KCNK12: variants seen among roughly 807,000 people sequenced by gnomAD.
KCNK12 encodes the protein potassium channel subfamily K member 12.
In KCNK12, 6 loss-of-function variants were observed where a neutral mutation model predicts 25.3. The ratio of observed to expected loss-of-function variants is 0.24; its 90% CI spans 0.13 to 0.47. The LOEUF (loss-of-function observed/expected upper bound fraction) is 0.47. Ranked by LOEUF, KCNK12 falls within the 20% of genes least tolerant of loss-of-function variation. The pLI, the probability that KCNK12 is intolerant of heterozygous loss-of-function variation, is 0.99. For synonymous variants in KCNK12, 331 were observed against 311.1 expected (o/e 1.06, Z -0.67); for missense variants, 444 against 661.7 (o/e 0.67, Z 3.61).
Position 47,548,590 on chromosome 2 carries a change from T to C in KCNK12, c.391+21351A>G, listed in dbSNP as rs537716727. ...CGTGCCACCCTACTGTCAACACTTA[T>C]CCAGATTCTACACACTGACTTTCGC... On this transcript the variant is annotated intron_variant, in intron 1 of 1. Coordinates refer to ENST00000327876, the MANE Select transcript of KCNK12 (RefSeq NM_022055.2). The surrounding 1 kb of genome is among the most constrained non-coding windows in gnomAD (Gnocchi z 4.4). 1.3e-5 allele frequency among the ~76,000 whole-genome samples: 2 copies of C among 152,234 alleles called. No individual in the cohort carries two copies. Among genetic ancestry groups the C allele is most frequent in the African/African-American group, 2.4e-5 (1 of 41,540 alleles).
chr2:47,565,021 G>C lies in KCNK12; in HGVS notation c.391+4920C>G, dbSNP rs1669762984. The C allele has an allele frequency of 6.6e-6, 1 of 151,922 alleles. No homozygotes were observed. Among genetic ancestry groups the C allele is most frequent in the African/African-American group, 2.4e-5 (1 of 41,426 alleles). 9.4% of individuals were successfully genotyped at this position (151,922 alleles called of 1,614,324 possible). A position where few individuals can be genotyped will look rare whatever the true frequency, so the allele number is the denominator to read the frequency against. ...TGTCTCTTAAAAAAAAAAAAAAGTA[G>C]CCAGGTGTGGTGATGTGTGCCTGTG... On this transcript the variant is annotated intron_variant, in intron 1 of 1. Coordinates refer to ENST00000327876, the MANE Select transcript of KCNK12 (RefSeq NM_022055.2). This position sits in a 1 kb window ranked among gnomAD's most constrained non-coding sequence, Gnocchi z 5.0.
intron 1 of KCNK12, among the ~76,000 whole-genome samples, chr2:47,546,759 C>T (rs1669322926): frequency 6.6e-6 from 1 of 152,128 alleles, no homozygotes; most frequent in South Asian, 2.1e-4. Flanking sequence ...GGTAAAAGGA[C>T]ATAAAGGTGT....
chr2:47,535,456 G>GGGCGCACCCCTCCTCTAAT (rs1285460718), intron 1 of KCNK12, among the ~76,000 whole-genome samples: 25 of 152,256 alleles, frequency 1.6e-4, no homozygotes, highest in African/African-American at 5.8e-4. Context: ...CCTCTAATGG[G>GGGCGCACCCCTCCTCTAAT]GGCGCACCCC....
rs1669112636 is a variant in KCNK12 at position 47,538,007 on chromosome 2, C to G, written c.392-16199G>C. Among the ~76,000 whole-genome samples the G allele has an allele frequency of 6.6e-6, 1 of 152,120 alleles. No homozygotes were observed. The highest frequency in any genetic ancestry group is 2.1e-4 in the South Asian group (1 of 4,824). On this transcript the variant is annotated intron_variant, in intron 1 of 1. Transcript: ENST00000327876. The surrounding 1 kb of genome is among the most constrained non-coding windows in gnomAD (Gnocchi z 4.5). ...CAGGTGTCATGTGGATAAGACTTTC[C>G]AGGGAGCACGTGTGGTATGAGAATG...
Position 47,512,262 on chromosome 2 carries a change from TG to T in KCNK12, c.*8644del. The stretch of plus-strand genomic sequence containing the variant: ...GTATCGTTCTTGATGGAAATCCCCG[TG>T]GAACTCCTACATTTTCTCCTCTCTT... On this transcript the variant is annotated 3_prime_UTR_variant, in exon 2 of 2. Coordinates refer to ENST00000327876, the MANE Select transcript of KCNK12 (RefSeq NM_022055.2). 1 of 1,608,590 alleles carries T rather than the reference TG, an allele frequency of 6.2e-7. No homozygotes were observed. The highest frequency in any genetic ancestry group is 8.5e-7 in the Non-Finnish European group (1 of 1,177,796).
intron 1 of KCNK12, among the ~76,000 whole-genome samples, chr2:47,543,035 A>T: frequency 6.6e-6 from 1 of 152,146 alleles, no homozygotes; most frequent in East Asian, 1.9e-4. Context: ...AGCTCAAGAG[A>T]TCCTCCCACC....
In KCNK12 at chr2:47,533,509, A is replaced by G. The variant is rs1372736868; in HGVS notation, c.392-11701T>C. Among the ~76,000 whole-genome samples, 1 of 152,224 alleles carries G rather than the reference A, an allele frequency of 6.6e-6. No homozygotes were observed. Among genetic ancestry groups the G allele is most frequent in the African/African-American group, 2.4e-5 (1 of 41,456 alleles). ...CAAGGAATGGGCAAATCACGACATG[A>G]CATATGGATTTCCATGGCAGGGAAA... is the stretch of plus-strand genomic sequence containing the variant. On this transcript the variant is annotated intron_variant, in intron 1 of 1. Coordinates refer to ENST00000327876, the MANE Select transcript of KCNK12 (RefSeq NM_022055.2). This position sits in a 1 kb window ranked among gnomAD's most constrained non-coding sequence, Gnocchi z 4.7.
Position 47,557,226 on chromosome 2 carries a change from T to A in KCNK12, c.391+12715A>T, listed in dbSNP as rs1357834187. Among the ~76,000 whole-genome samples, 1 of 152,206 alleles carries A rather than the reference T, an allele frequency of 6.6e-6. No homozygotes were observed. On this transcript the variant is annotated intron_variant, in intron 1 of 1. Coordinates refer to ENST00000327876, the MANE Select transcript of KCNK12 (RefSeq NM_022055.2). This position sits in a 1 kb window ranked among gnomAD's most constrained non-coding sequence, Gnocchi z 4.9. ...TGATTGGATCATGTGGGTTCTGTTCTCATGAATGGATTAATGTCATCATCA... is the reference window on the plus strand; with the variant it reads ...TGATTGGATCATGTGGGTTCTGTTCACATGAATGGATTAATGTCATCATCA...
intron 1 of KCNK12, among the ~76,000 whole-genome samples, chr2:47,552,023 G>T (rs910301855): frequency 3.3e-5 from 5 of 152,144 alleles, no homozygotes; most frequent in Admixed American, 6.5e-5. Flanking sequence ...GTGGGGAGGT[G>T]GGGGGAAGGT....
rs1669769247 is a variant in KCNK12, at chr2:47,565,340, C to A, written c.391+4601G>T. The A allele has an allele frequency of 6.6e-6, 1 of 152,076 alleles. No homozygotes were observed. Among genetic ancestry groups the A allele is most frequent in the Admixed American group, 6.5e-5 (1 of 15,278 alleles). The allele number at this position is 152,076 out of a possible 1,614,324, so 9.4% of individuals were successfully genotyped here. ...TTTGGGCTTATAATGTCTTAGTTTCCTTTGTAGCAAAAAGAGTTTTAAAAA... is the reference window on the plus strand; with the variant it reads ...TTTGGGCTTATAATGTCTTAGTTTCATTTGTAGCAAAAAGAGTTTTAAAAA... On this transcript the variant is annotated intron_variant, in intron 1 of 1. Coordinates refer to ENST00000327876, the MANE Select transcript of KCNK12 (RefSeq NM_022055.2). This position sits in a 1 kb window ranked among gnomAD's most constrained non-coding sequence, Gnocchi z 5.0.
At position 47,521,249 on chromosome 2, in the gene KCNK12, G is replaced by T. The variant is rs115862926; in HGVS notation, c.951C>A (p.Cys317Ter). The T allele has an allele frequency of 6.2e-7, 1 of 1,606,774 alleles. No homozygotes were observed. Among genetic ancestry groups the T allele is most frequent in the South Asian group, 1.1e-5 (1 of 90,232 alleles). Reference sequence around the variant, plus strand: ...CAGGAGCCGGGCAGCAGCGCGCGCAGCAGCGGCAGCTCAGCTTGCGCAGCA... The same window carrying T: ...CAGGAGCCGGGCAGCAGCGCGCGCATCAGCGGCAGCTCAGCTTGCGCAGCA... The part of the protein sequence containing the change: ...NWMLRKLSCR[C>*]CARCCPAPGA... Residue 317 changes from cysteine (C) to a stop codon, truncating the protein, a stop_gained, in exon 2 of 2, where the codon TGC becomes TGA. Coordinates refer to ENST00000327876, the MANE Select transcript of KCNK12 (RefSeq NM_022055.2). LOFTEE classifies it high-confidence loss of function.
In KCNK12 at chr2:47,569,222, C is replaced by T. The variant is rs1456176547; in HGVS notation, c.391+719G>A. ...GGAACTATCCCTGCTCCCAGCTACCCCTTGGTACCACTAATGGTTGGAAAA... is the reference window on the plus strand; with the variant it reads ...GGAACTATCCCTGCTCCCAGCTACCTCTTGGTACCACTAATGGTTGGAAAA... On this transcript the variant is annotated intron_variant, in intron 1 of 1. Coordinates refer to ENST00000327876, the MANE Select transcript of KCNK12 (RefSeq NM_022055.2). The surrounding 1 kb of genome is among the most constrained non-coding windows in gnomAD (Gnocchi z 4.1). Among the ~76,000 whole-genome samples, 2 of 152,096 alleles carry T rather than the reference C, an allele frequency of 1.3e-5. No individual in the cohort carries two copies. The highest frequency in any genetic ancestry group is 2.9e-5 in the Non-Finnish European group (2 of 68,024).
chr2:47,526,079 GTACT>G (rs1668764269), intron 1 of KCNK12, among the ~76,000 whole-genome samples: 1 of 151,952 alleles, frequency 6.6e-6, no homozygotes, highest in Admixed American at 6.6e-5. Context: ...CTTAAAACTG[GTACT>G]TAATTAACAA....
rs566979376 is a variant in KCNK12, at chr2:47,566,334, G to A, written c.391+3607C>T. The A allele has an allele frequency of 1.3e-5, 2 of 152,132 alleles. No homozygotes were observed. Among genetic ancestry groups the A allele is most frequent in the South Asian group, 2.1e-4 (1 of 4,810 alleles). 9.4% of individuals were successfully genotyped at this position (152,132 alleles called of 1,614,324 possible). A position where few individuals can be genotyped will look rare whatever the true frequency, so the allele number is the denominator to read the frequency against. On this transcript the variant is annotated intron_variant, in intron 1 of 1. Coordinates refer to ENST00000327876, the MANE Select transcript of KCNK12 (RefSeq NM_022055.2). The surrounding 1 kb of genome is among the most constrained non-coding windows in gnomAD (Gnocchi z 4.1). ...CAGCCATACCTGAACCTTTCATTAC[G>A]TCTTCCACCAGGTGAAAGCCCATTC...
rs577336940 is a variant in KCNK12, at chr2:47,557,063, G to T, written c.391+12878C>A. 6.6e-6 allele frequency among the ~76,000 whole-genome samples: 1 copy of T among 152,364 alleles called. No homozygotes were observed. The highest frequency in any genetic ancestry group is 2.1e-4 in the South Asian group (1 of 4,832). ...GGCTGGAGAGGAACTCAGTGAGGCA[G>T]ACTTCAGTGAATGGGCAGGAGATGC... On this transcript the variant is annotated intron_variant, in intron 1 of 1. Transcript: ENST00000327876. This position sits in a 1 kb window ranked among gnomAD's most constrained non-coding sequence, Gnocchi z 4.9.
rs1669865482 is a variant in KCNK12, at chr2:47,570,298, G to A, written c.34C>T (p.Arg12Cys). The A allele has an allele frequency of 1.5e-6, 2 of 1,364,086 alleles. No individual in the cohort carries two copies. The highest frequency in any genetic ancestry group is 1.5e-5 in the African/African-American group (1 of 65,694). The allele number at this position is 1,364,086 out of a possible 1,614,324, so 84.5% of individuals were successfully genotyped here. A position where few individuals can be genotyped will look rare whatever the true frequency, so the allele number is the denominator to read the frequency against. The change falls in exon 1 of 2, where the codon CGT becomes TGT. Residue 12 changes from arginine to cysteine, a missense_variant. Arg to Cys is a radical substitution (Grantham distance 180). Transcript: ENST00000327876. ...GGGCGCGGCAGGCGGCGGCGGCTAC[G>A]GCGGGGCGGGGGCCGGGGGCTGCGG... The part of the protein sequence containing the change: ...SSRSPRPPPR[R>C]SRRRLPRPSC...
At chr2:47,544,863 T>C (rs926407078) in intron 1 of KCNK12, among the ~76,000 whole-genome samples, 2 of 152,126 alleles carry the variant, frequency 1.3e-5, no homozygotes, top group African/African-American at 4.8e-5. Flanking sequence ...TGACATCACA[T>C]ACCAATACAC....
chr2:47,570,469 C>T lies in KCNK12; in HGVS notation c.-138G>A. On this transcript the variant is annotated 5_prime_UTR_variant, in exon 1 of 2. Coordinates refer to ENST00000327876, the MANE Select transcript of KCNK12 (RefSeq NM_022055.2). Reference sequence around the variant, plus strand: ...AGCCCCTCGCCGCCTTCGCAGAGCCCCTCGTCGCCTTCCCAGAGCCCGGAC... The same window carrying T: ...AGCCCCTCGCCGCCTTCGCAGAGCCTCTCGTCGCCTTCCCAGAGCCCGGAC... 1 of 913,222 alleles carries T rather than the reference C, an allele frequency of 1.1e-6. No homozygotes were observed. The highest frequency in any genetic ancestry group is 1.4e-6 in the Non-Finnish European group (1 of 710,892). The allele number at this position is 913,222 out of a possible 1,614,324, so 56.6% of individuals were successfully genotyped here. A position where few individuals can be genotyped will look rare whatever the true frequency, so the allele number is the denominator to read the frequency against.
rs550690744 is a variant in KCNK12, at chr2:47,560,190, T to G, written c.391+9751A>C. ...CCTGTCCATGCCCACTGCAGCTGTT[T>G]CCAGTGCAAGGCTGAGGGTTCTCAG... On this transcript the variant is annotated intron_variant, in intron 1 of 1. Coordinates refer to ENST00000327876, the MANE Select transcript of KCNK12 (RefSeq NM_022055.2). The surrounding 1 kb of genome is among the most constrained non-coding windows in gnomAD (Gnocchi z 4.7). Among the ~76,000 whole-genome samples the G allele has an allele frequency of 1.3e-5, 2 of 152,198 alleles. No homozygotes were observed. The highest frequency in any genetic ancestry group is 4.8e-5 in the African/African-American group (2 of 41,460).
Sources: gnomAD v4.1 joint callset for allele counts (sites outside exome capture counted in the v4.1 genomes callset) on GRCh38, gnomAD v4.1.1 for gene constraint, Gnocchi (gnomAD v3.1) non-coding constraint, MANE v1.5 for transcripts, NCBI Gene and HGNC (gene_info 2026-07-23, HGNC 2026-07-21) for gene names.